COL21A1: variants seen among roughly 807,000 people sequenced by gnomAD.
COL21A1 encodes the protein collagen type XXI alpha 1 chain.
Under a neutral mutation model 137.9 loss-of-function variants are expected in COL21A1, and 149 were observed. That is an observed-to-expected ratio of 1.08 (90% CI 0.95 to 1.24). The LOEUF (loss-of-function observed/expected upper bound fraction) is 1.24, where lower values mean the gene tolerates loss of function less well. Among genes scored for constraint, COL21A1 ranks in the 50% most tolerant of loss-of-function variants. The pLI, the probability that COL21A1 is intolerant of heterozygous loss-of-function variation, is 0.00. For synonymous variants in COL21A1, 456 were observed against 391.5 expected, an observed-to-expected ratio of 1.16 and a Z score of -1.95; for missense variants, 1,167 against 1,158.4, an observed-to-expected ratio of 1.01 and a Z score of -0.11.
intron 9 of COL21A1, among the ~76,000 whole-genome samples, chr6:56,160,348 GC>G (rs1166073728): frequency 2.0e-5 from 3 of 152,096 alleles, no homozygotes; most frequent in Admixed American, 6.5e-5. Context: ...AAAACTGAGG[GC>G]CAGGAAAGTT....
intron 1 of COL21A1, among the ~76,000 whole-genome samples, chr6:56,262,138 T>C (rs1052558772): frequency 3.9e-5 from 6 of 152,208 alleles, no homozygotes; most frequent in South Asian, 2.1e-4. Context: ...CTTTCAAATA[T>C]GTTTCCTTTG....
At chr6:56,306,399 G>T (rs1209383800) in intron 1 of COL21A1, among the ~76,000 whole-genome samples, 1 of 151,910 alleles carries the variant, frequency 6.6e-6, no homozygotes, top group African/African-American at 2.4e-5. Flanking sequence ...TTTTCACATA[G>T]TCCCATATTT....
At chr6:56,130,832 T>A (rs913374345) in intron 12 of COL21A1, among the ~76,000 whole-genome samples, 4 of 152,148 alleles carry the variant, frequency 2.6e-5, no homozygotes, top group Non-Finnish European at 4.4e-5. Flanking sequence ...ATTGAAACAG[T>A]ATGTACAAAA....
chr6:56,194,916 G>T (rs918038672), intron 1 of COL21A1, among the ~76,000 whole-genome samples: 8 of 152,126 alleles, frequency 5.3e-5, no homozygotes, highest in Admixed American at 2.0e-4. Context: ...GGGTCATGAG[G>T]GCTCTGCCTT....
intron 16 of COL21A1, among the ~76,000 whole-genome samples, chr6:56,107,083 G>T (rs1215029186): frequency 1.3e-5 from 2 of 151,976 alleles, no homozygotes; most frequent in African/African-American, 2.4e-5. Context: ...CACCGCGCCC[G>T]GCCAAGTATT....
At chr6:56,319,921 T>C (rs1182776702) in intron 1 of COL21A1, among the ~76,000 whole-genome samples, 1 of 152,136 alleles carries the variant, frequency 6.6e-6, no homozygotes, top group Non-Finnish European at 1.5e-5. Context: ...CTCATACAGA[T>C]CAATAGTTAG....
intron 5 of COL21A1, 44 bp from the exon 6 acceptor site, chr6:56,168,341 C>A: frequency 7.0e-7 from 1 of 1,426,688 alleles, no homozygotes; most frequent in South Asian, 1.6e-5. Flanking sequence ...AAGCCCCTAA[C>A]AATATTTTAT....
intron 12 of COL21A1, among the ~76,000 whole-genome samples, chr6:56,130,740 T>C (rs1211240): frequency 0.019 from 2,818 of 152,184 alleles, 86 homozygotes; most frequent in African/African-American, 0.065. Context: ...GTAGTATTCA[T>C]GTTAACATAA....
At chr6:56,388,035 T>C (rs906289885) in intron 1 of COL21A1, among the ~76,000 whole-genome samples, 8 of 151,882 alleles carry the variant, frequency 5.3e-5, no homozygotes, top group African/African-American at 1.7e-4. Context: ...GAGGGAAGAG[T>C]ACAGAGAACT....
chr6:56,393,465 A>C (rs2152354364), intron 1 of COL21A1, among the ~76,000 whole-genome samples: 1 of 152,140 alleles, frequency 6.6e-6, no homozygotes, highest in South Asian at 2.1e-4. Flanking sequence ...AGACCTCAAA[A>C]GCACAGACAA....
At chr6:56,355,601 T>C (rs970473948) in intron 1 of COL21A1, among the ~76,000 whole-genome samples, 2 of 152,216 alleles carry the variant, frequency 1.3e-5, no homozygotes, top group African/African-American at 4.8e-5. Context: ...TTTCACGTTA[T>C]TAAGGAAATA....
chr6:56,116,395 G>GAA (rs1771922931), intron 16 of COL21A1, among the ~76,000 whole-genome samples: 1 of 12,594 alleles, frequency 7.9e-5, no homozygotes, highest in Non-Finnish European at 1.7e-4. Context: ...AGTGCCAAAG[G>GAA]TAAAAAAAAA....
At chr6:56,258,015 T>C (rs868798900) in intron 1 of COL21A1, among the ~76,000 whole-genome samples, 1 of 152,112 alleles carries the variant, frequency 6.6e-6, no homozygotes, top group African/African-American at 2.4e-5. Context: ...TTTCTTTTAT[T>C]CTTAATGTTT....
Position 56,101,502 on chromosome 6 carries a change from A to C in COL21A1, c.1782T>G (p.Ala594=), listed in dbSNP as rs1332280694. Residue 594 remains alanine, a synonymous_variant, in exon 17 of 30, where the codon GCT becomes GCG. Transcript: ENST00000244728. ...CTCCCCGTGTTCCATCCTGCCCCGG[A>C]GCACCAGGGGATCCTGCTTCTCCCT... ...GFKGEAGSPG[A]PGQDGTRGEP... is the part of the protein sequence containing the mutation. 6.3e-7 allele frequency: 1 copy of C among 1,594,876 alleles called. No homozygotes were observed. The highest frequency in any genetic ancestry group is 8.5e-7 in the Non-Finnish European group (1 of 1,169,606).
At chr6:56,107,555 GA>G (rs1429459202) in intron 16 of COL21A1, among the ~76,000 whole-genome samples, 6 of 151,624 alleles carry the variant, frequency 4.0e-5, no homozygotes, top group Non-Finnish European at 8.8e-5. Context: ...ATCTTCATAG[GA>G]AAAAGAGTCA....
Position 56,340,862 on chromosome 6 carries a change from G to A in COL21A1, c.-39+53109C>T, listed in dbSNP as rs539281829. ...GAGGAGTTGTTAGCTCATGGAGCAAGTAATCTATGTTCTCTGTCAGCCCAA... is the reference window on the plus strand; with the variant it reads ...GAGGAGTTGTTAGCTCATGGAGCAAATAATCTATGTTCTCTGTCAGCCCAA... On this transcript the variant is annotated intron_variant, in intron 1 of 28. Coordinates refer to the COL21A1 transcript ENST00000370819. 9.1e-4 allele frequency among the ~76,000 whole-genome samples: 138 copies of A among 152,324 alleles called. 7 individuals carry two copies. The South Asian group carries it at 0.028, about 30-fold the overall frequency.
chr6:56,171,841 TA>T (rs1161749481), intron 3 of COL21A1, among the ~76,000 whole-genome samples: 1 of 151,894 alleles, frequency 6.6e-6, no homozygotes, highest in Non-Finnish European at 1.5e-5. Context: ...AGGTAATAAG[TA>T]TGATATACTT....
chr6:56,062,807 T>C (rs1052025815), intron 24 of COL21A1, among the ~76,000 whole-genome samples: 8 of 152,160 alleles, frequency 5.3e-5, no homozygotes, highest in Admixed American at 5.2e-4. Flanking sequence ...CCTTACAAGA[T>C]ATAATCCAAC....
At chr6:56,058,278 T>G (rs1765503710) in intron 29 of COL21A1, among the ~76,000 whole-genome samples, 1 of 152,204 alleles carries the variant, frequency 6.6e-6, no homozygotes, top group African/African-American at 2.4e-5. Flanking sequence ...ATACATATTT[T>G]TAGTTTCCAT....
Sources: gnomAD v4.1 joint callset for allele counts (sites outside exome capture counted in the v4.1 genomes callset) on GRCh38, gnomAD v4.1.1 for gene constraint, MANE v1.5 for transcripts, NCBI Gene and HGNC (gene_info 2026-07-23, HGNC 2026-07-21) for gene names.